Variants in REV3L observed in about 807,000 individuals in gnomAD.
The protein encoded by REV3L is DNA polymerase zeta catalytic subunit.
A neutral mutation model predicts 299.4 loss-of-function variants in REV3L; 69 were observed. The observed-to-expected ratio is 0.23, with a 90% confidence interval of 0.19 to 0.28. The LOEUF is 0.28. REV3L is among the 10% of genes least tolerant of loss of function. The probability of loss-of-function intolerance (pLI) is 1.00; values close to 1 mark genes in which losing one functional copy is unlikely to be tolerated. For synonymous variants in REV3L, 1,238 were observed against 1,271.4 expected, an observed-to-expected ratio of 0.97 and a Z score of 0.56; for missense variants, 3,128 against 3,693.8, an observed-to-expected ratio of 0.85 and a Z score of 3.97.
In REV3L at chr6:111,391,924, G is replaced by A. The variant is rs59100388; in HGVS notation, c.662+952C>T. 9.3e-3 allele frequency among the ~76,000 whole-genome samples: 1,418 copies of A among 152,312 alleles called. 24 individuals are homozygous for A. Among genetic ancestry groups the A allele is most frequent in the African/African-American group, 0.033 (1,351 of 41,558 alleles). On this transcript the variant is annotated intron_variant, in intron 5 of 31. Transcript: ENST00000368802. Reference sequence around the variant, plus strand: ...GGATCACTTGAGCCCAGAAGGCGGCGGTCGTAGTAAGCTGAGATTGTGCCA... The same window carrying A: ...GGATCACTTGAGCCCAGAAGGCGGCAGTCGTAGTAAGCTGAGATTGTGCCA...
At chr6:111,334,684 C>A (rs1248672241) in intron 22 of REV3L, among the ~76,000 whole-genome samples, 1 of 152,090 alleles carries the variant, frequency 6.6e-6, no homozygotes, top group Non-Finnish European at 1.5e-5. Flanking sequence ...CCTTTTATTA[C>A]AGACTAGCTC....
At chr6:111,482,606 G>C in intron 1 of REV3L, 144 bp downstream of exon 1, 1 of 342,270 alleles carries the variant, frequency 2.9e-6, no homozygotes, top group South Asian at 1.2e-4. Context: ...GAGAAAAGGC[G>C]AGGAGGGCGG....
intron 21 of REV3L, among the ~76,000 whole-genome samples, chr6:111,338,311 CCTTT>C (rs1776119390): frequency 3.1e-4 from 15 of 49,054 alleles, no homozygotes; most frequent in Middle Eastern, 0.012. Context: ...AGTCTAAAGT[CCTTT>C]TTTTTTTTTT....
At position 111,307,357 on chromosome 6, in the gene REV3L, G is replaced by A; in HGVS notation, c.9252+4C>T. 4 of 1,613,180 alleles carry A rather than the reference G, an allele frequency of 2.5e-6. No individual in the cohort carries two copies. The highest frequency in any genetic ancestry group is 3.4e-6 in the Non-Finnish European group (4 of 1,179,196). ...GATTCTGGGCCCATGGAACAAAACTGTACCTTTACAAGTTGCTCCTGTTGA... is the reference window on the plus strand; with the variant it reads ...GATTCTGGGCCCATGGAACAAAACTATACCTTTACAAGTTGCTCCTGTTGA... On this transcript the variant is annotated splice_donor_region_variant and intron_variant, in intron 31 of 31. Coordinates refer to ENST00000368802, the MANE Select transcript of REV3L (RefSeq NM_001372078.1).
intron 1 of REV3L, among the ~76,000 whole-genome samples, chr6:111,469,170 A>G (rs888232307): frequency 6.6e-5 from 10 of 152,270 alleles, no homozygotes; most frequent in African/African-American, 2.2e-4. Flanking sequence ...AAACAACAAC[A>G]AAAAACAAAA....
chr6:111,348,048 C>T (rs1260683117), intron 20 of REV3L, among the ~76,000 whole-genome samples: 1 of 152,188 alleles, frequency 6.6e-6, no homozygotes, highest in Non-Finnish European at 1.5e-5. Flanking sequence ...GTGATCCACC[C>T]TCCTTGGCCT....
intron 18 of REV3L, 78 bp from the exon 19 acceptor site, chr6:111,351,869 A>T: frequency 1.0e-6 from 1 of 972,816 alleles, no homozygotes; most frequent in South Asian, 1.6e-5. Flanking sequence ...TCTTCATGAT[A>T]TAAGGTATGA....
chr6:111,399,169 A>T (rs1037000452), intron 4 of REV3L, among the ~76,000 whole-genome samples: 8 of 152,194 alleles, frequency 5.3e-5, no homozygotes, highest in Non-Finnish European at 1.0e-4. Flanking sequence ...TCCTCTTTCT[A>T]TAATATCTAA....
chr6:111,323,263 T>C (rs570238918), intron 25 of REV3L, among the ~76,000 whole-genome samples: 22 of 152,270 alleles, frequency 1.4e-4, no homozygotes, highest in Admixed American at 2.6e-4. Flanking sequence ...ACTGGGATTA[T>C]AGGCGTGAGC....
intron 13 of REV3L, among the ~76,000 whole-genome samples, chr6:111,369,942 T>G (rs1779620825): frequency 6.6e-6 from 1 of 152,038 alleles, no homozygotes; most frequent in African/African-American, 2.4e-5. Flanking sequence ...GTTCAAGTGA[T>G]TCTCCTGCCT....
At chr6:111,307,322 G>C (rs1772427149) in intron 31 of REV3L, 39 bp downstream of exon 31, 1 of 1,538,654 alleles carries the variant, frequency 6.5e-7, no homozygotes, top group Non-Finnish European at 9.0e-7. Flanking sequence ...TGTAAGATCA[G>C]ACTGCTTGTG....
At chr6:111,399,269 A>C (rs1782846156) in intron 4 of REV3L, among the ~76,000 whole-genome samples, 1 of 152,108 alleles carries the variant, frequency 6.6e-6, no homozygotes, top group Non-Finnish European at 1.5e-5. Flanking sequence ...TATTTTCCCC[A>C]GTAACCTTTT....
At chr6:111,340,808 A>C (rs1232769968) in intron 21 of REV3L, among the ~76,000 whole-genome samples, 1 of 151,976 alleles carries the variant, frequency 6.6e-6, no homozygotes, top group East Asian at 1.9e-4. Context: ...ATATAACATA[A>C]TCCATTTGAC....
At chr6:111,381,946 C>T (rs893986946) in intron 9 of REV3L, among the ~76,000 whole-genome samples, 8 of 152,114 alleles carry the variant, frequency 5.3e-5, no homozygotes, top group African/African-American at 1.7e-4. Flanking sequence ...CCTAATGGGG[C>T]GTGTGTTGGT....
At chr6:111,313,537 C>G (rs1212511361) in intron 27 of REV3L, 48 bp from the exon 28 acceptor site, 15 of 1,531,418 alleles carry the variant, frequency 9.8e-6, no homozygotes, top group Non-Finnish European at 1.3e-5. Context: ...TTCCCCCCAC[C>G]AAGAATGTTT....
intron 4 of REV3L, 134 bp from the exon 5 acceptor site, chr6:111,393,106 C>T (rs2128257130): frequency 3.6e-6 from 2 of 558,344 alleles, no homozygotes; most frequent in South Asian, 2.1e-5. Context: ...GGCGCAATCT[C>T]GGCTCACTGC....
At chr6:111,316,010 C>T (rs429567) in intron 26 of REV3L, among the ~76,000 whole-genome samples, 61,802 of 151,872 alleles carry the variant, frequency 0.41, 15,094 homozygotes, top group Non-Finnish European at 0.55. Context: ...GAGGCCAAGG[C>T]GGTGGATCAT....
At chr6:111,350,805 T>C (rs1037686266) in intron 19 of REV3L, among the ~76,000 whole-genome samples, 1 of 151,632 alleles carries the variant, frequency 6.6e-6, no homozygotes, top group African/African-American at 2.4e-5. Context: ...CCTGGGATAG[T>C]TTTGAACTCC....
At chr6:111,337,983 C>G (rs1776082581) in intron 21 of REV3L, among the ~76,000 whole-genome samples, 1 of 152,014 alleles carries the variant, frequency 6.6e-6, no homozygotes, top group Non-Finnish European at 1.5e-5. Context: ...AAATGAGATA[C>G]CAAAATAGTG....
Sources: gnomAD v4.1 joint callset for allele counts (sites outside exome capture counted in the v4.1 genomes callset) on GRCh38, gnomAD v4.1.1 for gene constraint, MANE v1.5 for transcripts, NCBI Gene and HGNC (gene_info 2026-07-23, HGNC 2026-07-21) for gene names.